LARP1B: variants seen among roughly 807,000 people sequenced by gnomAD.
The protein encoded by LARP1B is la-related protein 1B.
In LARP1B, 76 loss-of-function variants were observed where a neutral mutation model predicts 114.2. That is an observed-to-expected ratio of 0.67 (90% CI 0.55 to 0.81). The LOEUF (loss-of-function observed/expected upper bound fraction) is 0.81, where lower values mean the gene tolerates loss of function less well. Among genes scored for constraint, LARP1B ranks in the 30% least tolerant of loss-of-function variants. The probability of loss-of-function intolerance (pLI) is 0.00; values close to 1 mark genes in which losing one functional copy is unlikely to be tolerated. For synonymous variants in LARP1B, 345 were observed against 348.0 expected (o/e 0.99, Z 0.10); for missense variants, 1,014 against 1,075.8 (o/e 0.94, Z 0.80).
At chr4:128,111,589 G>C (rs1332842486) in intron 9 of LARP1B, among the ~76,000 whole-genome samples, 1 of 152,132 alleles carries the variant, frequency 6.6e-6, no homozygotes, top group African/African-American at 2.4e-5. Context: ...TGTAGTACTA[G>C]TTATTCAGCA....
intron 12 of LARP1B, among the ~76,000 whole-genome samples, chr4:128,176,220 A>T (rs146996807): frequency 2.8e-5 from 4 of 142,978 alleles, no homozygotes; most frequent in East Asian, 2.0e-4. Flanking sequence ...TTTATATATA[A>T]ATTTATATAT....
At chr4:128,094,400 C>CTTTTTTTTT (rs776529101) in intron 7 of LARP1B, among the ~76,000 whole-genome samples, 2 of 128,740 alleles carry the variant, frequency 1.6e-5, no homozygotes, top group Non-Finnish European at 3.3e-5. Flanking sequence ...TTTTCTTTTT[C>CTTTTTTTTT]TTTTTTTTTT....
chr4:128,192,823 T>C (rs1181520649), intron 15 of LARP1B, among the ~76,000 whole-genome samples: 1 of 151,900 alleles, frequency 6.6e-6, no homozygotes, highest in Non-Finnish European at 1.5e-5. Context: ...TTTCTCTGTT[T>C]GTTTCTTTGT....
chr4:128,197,422 G>C (rs373711326), intron 15 of LARP1B, among the ~76,000 whole-genome samples: 1 of 152,260 alleles, frequency 6.6e-6, no homozygotes, highest in East Asian at 1.9e-4. Flanking sequence ...TCAGCTGGGC[G>C]CAGTAGCTTA....
intron 10 of LARP1B, 84 bp from the exon 11 acceptor site, chr4:128,121,742 T>A (rs1580694377): frequency 1.1e-6 from 1 of 950,896 alleles, no homozygotes; most frequent in East Asian, 2.7e-5. Context: ...AGCTTGATAT[T>A]ACTTACTTGT....
intron 1 of LARP1B, among the ~76,000 whole-genome samples, chr4:128,072,906 A>G (rs566402252): frequency 2.6e-5 from 4 of 152,240 alleles, no homozygotes; most frequent in Admixed American, 6.5e-5. Context: ...TTTCCATGTC[A>G]ATACATATAC....
chr4:128,112,659 G>T (rs1784520084), intron 9 of LARP1B, among the ~76,000 whole-genome samples: 1 of 150,788 alleles, frequency 6.6e-6, no homozygotes. Context: ...TTTTCAGTAG[G>T]GATGGGGTTT....
chr4:128,079,440 G>A (rs6840186), intron 4 of LARP1B, among the ~76,000 whole-genome samples: 147,646 of 152,296 alleles, frequency 0.97, 71,600 homozygotes, highest in East Asian at 1. Flanking sequence ...AGTGCAGGAT[G>A]AGCATTATAT....
intron 11 of LARP1B, among the ~76,000 whole-genome samples, chr4:128,156,548 C>T (rs1735754559): frequency 6.6e-6 from 1 of 152,152 alleles, no homozygotes; most frequent in African/African-American, 2.4e-5. Flanking sequence ...CCACACTCTC[C>T]ATCACCCTCT....
chr4:128,102,127 T>C (rs1780539165), intron 8 of LARP1B, among the ~76,000 whole-genome samples: 1 of 152,230 alleles, frequency 6.6e-6, no homozygotes, highest in Non-Finnish European at 1.5e-5. Flanking sequence ...CATAGCAATT[T>C]AGAAGAACAT....
intron 11 of LARP1B, chr4:128,155,777 C>T (rs1300228132): frequency 1.3e-6 from 2 of 1,595,216 alleles, no homozygotes; most frequent in Non-Finnish European, 1.7e-6. Flanking sequence ...AAGGAACTGA[C>T]TGACTTCCTG....
At chr4:128,142,450 G>A (rs1728454883) in intron 11 of LARP1B, among the ~76,000 whole-genome samples, 1 of 152,086 alleles carries the variant, frequency 6.6e-6, no homozygotes, top group Admixed American at 6.5e-5. Flanking sequence ...AGTACAGTCT[G>A]TGGAGTTCTT....
At chr4:128,093,060 T>C in intron 7 of LARP1B, 13 of 984,894 alleles carry the variant, frequency 1.3e-5, no homozygotes, top group Non-Finnish European at 1.6e-5. Context: ...CCTAGGACAC[T>C]GAGCAAAATG....
intron 3 of LARP1B, among the ~76,000 whole-genome samples, chr4:128,076,454 A>T (rs937049798): frequency 2.6e-5 from 4 of 151,976 alleles, no homozygotes; most frequent in Admixed American, 1.3e-4. Flanking sequence ...TCAGCAGTTC[A>T]TTCTTTTTTC....
chr4:128,150,391 C>T (rs568399995), intron 11 of LARP1B, among the ~76,000 whole-genome samples: 1 of 151,128 alleles, frequency 6.6e-6, no homozygotes, highest in African/African-American at 2.4e-5. Flanking sequence ...CTCCTGGGCT[C>T]AAGGGAGTCT....
intron 10 of LARP1B, among the ~76,000 whole-genome samples, chr4:128,116,382 T>TA (rs750358755): frequency 1.6e-4 from 25 of 152,196 alleles, no homozygotes; most frequent in Non-Finnish European, 2.8e-4. Context: ...TATTATTTCT[T>TA]ACAACTGTAT....
chr4:128,180,655 T>C (rs894615079), intron 15 of LARP1B, among the ~76,000 whole-genome samples: 1 of 152,220 alleles, frequency 6.6e-6, no homozygotes, highest in African/African-American at 2.4e-5. Context: ...ATTTACCTAA[T>C]GAAGGACATC....
At chr4:128,065,260 T>TCTTTCTTC in intron 1 of LARP1B, among the ~76,000 whole-genome samples, 1 of 68,518 alleles carries the variant, frequency 1.5e-5, no homozygotes, top group Admixed American at 1.7e-4. Flanking sequence ...TTAATTTCTT[T>TCTTTCTTC]CTTTCTTTCT....
At chr4:128,166,944 CTCTCT>C in intron 12 of LARP1B, among the ~76,000 whole-genome samples, 2 of 96,478 alleles carry the variant, frequency 2.1e-5, no homozygotes, top group Admixed American at 2.2e-4. Flanking sequence ...CTCTCTCTCT[CTCTCT>C]CTCTCTCTCT....
Sources: gnomAD v4.1 joint callset for allele counts (sites outside exome capture counted in the v4.1 genomes callset) on GRCh38, gnomAD v4.1.1 for gene constraint, MANE v1.5 for transcripts, NCBI Gene and HGNC (gene_info 2026-07-23, HGNC 2026-07-21) for gene names.